The following PLPPR4 variants were observed in gnomAD, a reference collection of about 807,000 sequenced individuals.
The protein encoded by PLPPR4 is phospholipid phosphatase-related protein type 4.
In PLPPR4, 24 loss-of-function variants were observed where a neutral mutation model predicts 56.6. That is an observed-to-expected ratio of 0.42 (90% CI 0.31 to 0.60). The LOEUF is 0.60. Ranked by LOEUF, PLPPR4 falls within the 20% of genes least tolerant of loss-of-function variation. PLPPR4 has a pLI of 0.13. For missense variants in PLPPR4, 654 were observed against 885.8 expected, an observed-to-expected ratio of 0.74 and a Z score of 3.32; for synonymous variants, 326 against 328.1, an observed-to-expected ratio of 0.99 and a Z score of 0.07.
rs146842079 is a variant in PLPPR4, at chr1:99,292,425, A to T, written c.264+4275A>T. Among the ~76,000 whole-genome samples the T allele has an allele frequency of 3.9e-3, 589 of 152,322 alleles. 3 individuals carry two copies. Among genetic ancestry groups the T allele is most frequent in the African/African-American group, 0.013 (534 of 41,578 alleles). ...TCTTTCTTGAGGCCTGAGAAATAAA[A>T]GGGAAAATACACCATGGCTCCCTTC... On this transcript the variant is annotated intron_variant, in intron 2 of 6. Coordinates refer to ENST00000370185, the MANE Select transcript of PLPPR4 (RefSeq NM_014839.5).
In PLPPR4 at chr1:99,264,607, A is replaced by G. The variant is rs1387762492; in HGVS notation, c.14A>G (p.Glu5Gly). Reference protein sequence around the residue: MSAKERPKGKVIKDS... With the variant: MSAKGRPKGKVIKDS... ...CAGGCGGCAGGGATGTCGGCGAAGG[A>G]GAGGCCAAAGGGCAAAGTGATCAAG... Residue 5 changes from glutamate to glycine, a missense_variant, in exon 1 of 7, where the codon GAG becomes GGG. Glu to Gly is a moderately conservative substitution (Grantham distance 98). Coordinates refer to ENST00000370185, the MANE Select transcript of PLPPR4 (RefSeq NM_014839.5). 1.3e-6 allele frequency: 2 copies of G among 1,550,662 alleles called. No homozygotes were observed. The highest frequency in any genetic ancestry group is 1.4e-5 in the African/African-American group (1 of 73,062).
chr1:99,281,836 T>C (rs1007556641), intron 1 of PLPPR4, among the ~76,000 whole-genome samples: 5 of 152,244 alleles, frequency 3.3e-5, no homozygotes, highest in Non-Finnish European at 5.9e-5. Context: ...CCTCTCATTT[T>C]AAATGTGTTA....
intron 6 of PLPPR4, among the ~76,000 whole-genome samples, chr1:99,302,509 TTTATTATTATTA>T (rs35590074): frequency 6.7e-6 from 1 of 149,554 alleles, no homozygotes; most frequent in Non-Finnish European, 1.5e-5. Flanking sequence ...TATTCTTTTT[TTTATTATTATTA>T]TTATTATTAT....
intron 1 of PLPPR4, among the ~76,000 whole-genome samples, chr1:99,271,527 G>T (rs1262086772): frequency 6.6e-6 from 1 of 152,176 alleles, no homozygotes. Flanking sequence ...TCTGTTTGTG[G>T]CTCTGTCAGA....
chr1:99,268,430 T>C (rs536670106), intron 1 of PLPPR4, among the ~76,000 whole-genome samples: 4 of 152,216 alleles, frequency 2.6e-5, no homozygotes, highest in Non-Finnish European at 5.9e-5. Context: ...TATACCCCAA[T>C]GGGCATTAGG....
Position 99,288,047 on chromosome 1 carries a change from G to C in PLPPR4, c.161G>C (p.Ser54Thr). ...DVFKPVHSGF[S>T]CYDRSLSMPY... Reference sequence around the variant, plus strand: ...TTCAAACCTGTGCACTCTGGATTTAGCTGCTATGACCGGAGTCTTAGCATG... The same window carrying C: ...TTCAAACCTGTGCACTCTGGATTTACCTGCTATGACCGGAGTCTTAGCATG... The change falls in exon 2 of 7, where the codon AGC (serine) becomes ACC (threonine). Residue 54 changes from serine to threonine, a missense_variant. By Grantham distance (58) the Ser-to-Thr change is moderately conservative. This residue lies in a region of PLPPR4 where 186 missense variants were observed against 331.4 expected (regional missense o/e 0.56). Transcript: ENST00000370185. 1 of 1,613,850 alleles carries C rather than the reference G, an allele frequency of 6.2e-7. No individual in the cohort carries two copies. Among genetic ancestry groups the C allele is most frequent in the Non-Finnish European group, 8.5e-7 (1 of 1,179,860 alleles).
intron 1 of PLPPR4, among the ~76,000 whole-genome samples, chr1:99,279,078 C>T (rs1187928126): frequency 6.6e-6 from 1 of 152,174 alleles, no homozygotes; most frequent in Non-Finnish European, 1.5e-5. Flanking sequence ...TTTGGTATCT[C>T]TCTTCAAATT....
rs564581085 is a variant in PLPPR4 at position 99,265,554 on chromosome 1, G to C, written c.78+883G>C. ...TAAGCAAGAGGTTTATTAAATTACA[G>C]ATACTGAAGGGTTGTATTGCATAGA... On this transcript the variant is annotated intron_variant, in intron 1 of 6. Transcript: ENST00000370185. Among the ~76,000 whole-genome samples the C allele has an allele frequency of 1.1e-4, 17 of 152,292 alleles. 1 individual carries two copies. The South Asian group carries it at 3.3e-3, about 30-fold the overall frequency.
At chr1:99,269,960 C>CA (rs1255558657) in intron 1 of PLPPR4, among the ~76,000 whole-genome samples, 1 of 151,340 alleles carries the variant, frequency 6.6e-6, no homozygotes, top group Non-Finnish European at 1.5e-5. Context: ...ATTTTAATCT[C>CA]AAAAAATTAA....
chr1:99,296,048 A>C (rs1290221849), intron 2 of PLPPR4, among the ~76,000 whole-genome samples: 1 of 152,178 alleles, frequency 6.6e-6, no homozygotes, highest in Non-Finnish European at 1.5e-5. Context: ...ATCCTGCAGC[A>C]AAGTGCCATG....
Position 99,306,972 on chromosome 1 carries a change from T to C in PLPPR4, c.2110T>C (p.Tyr704His), listed in dbSNP as rs771480895. 2 of 1,610,188 alleles carry C rather than the reference T, an allele frequency of 1.2e-6. No homozygotes were observed. The highest frequency in any genetic ancestry group is 1.7e-6 in the Non-Finnish European group (2 of 1,179,570). ...CCCCGAAAACACTAGAAATATCTTC[T>C]ACAAAGGAACCTCCCCCACACGGGC... ...NSPENTRNIF[Y>H]KGTSPTRAYK... The change falls in exon 7 of 7, where the codon TAC (tyrosine) becomes CAC (histidine). Residue 704 changes from tyrosine (Y) to histidine (H), a missense_variant. Around this residue, in one of 2 missense-constraint regions of PLPPR4, gnomAD observed 468 missense variants for 554.3 expected, o/e 0.84. Transcript: ENST00000370185. The surrounding 1 kb of genome is among the most constrained non-coding windows in gnomAD (Gnocchi z 4.0).
rs536877411 is a variant in PLPPR4 at position 99,270,718 on chromosome 1, A to G, written c.78+6047A>G. ...TATTCCCTTTTACATAAACTTTAGC[A>G]TCAGTAGGAAATACAAAATCACATT... On this transcript the variant is annotated intron_variant, in intron 1 of 6. Transcript: ENST00000370185. 2.0e-5 allele frequency among the ~76,000 whole-genome samples: 3 copies of G among 152,344 alleles called. No homozygotes were observed. The East Asian group carries it at 5.8e-4, about 29-fold the overall frequency.
Position 99,307,386 on chromosome 1 carries a change from C to T in PLPPR4, c.*376C>T. ...GAGCTGTGGGAACCCAGAACACACA[C>T]GTTTTCCCTACAGCAGAGGCCATGC... On this transcript the variant is annotated 3_prime_UTR_variant, in exon 7 of 7. Transcript: ENST00000370185. 1 of 211,748 alleles carries T rather than the reference C, an allele frequency of 4.7e-6. No individual in the cohort carries two copies. The highest frequency in any genetic ancestry group is 9.6e-6 in the Non-Finnish European group (1 of 104,584). 13.1% of individuals were successfully genotyped at this position (211,748 alleles called of 1,614,324 possible).
At chr1:99,273,229 T>C (rs879508131) in intron 1 of PLPPR4, among the ~76,000 whole-genome samples, 10 of 152,098 alleles carry the variant, frequency 6.6e-5, no homozygotes, top group African/African-American at 9.6e-5. Context: ...TCAAGCAACA[T>C]AGAGGAGGTT....
chr1:99,273,950 T>A (rs914210046), intron 1 of PLPPR4, among the ~76,000 whole-genome samples: 36 of 152,142 alleles, frequency 2.4e-4, no homozygotes, highest in African/African-American at 8.7e-4. Context: ...AAGGTCTATA[T>A]GAGTCCTCAT....
intron 1 of PLPPR4, among the ~76,000 whole-genome samples, chr1:99,285,908 G>A (rs930974671): frequency 3.9e-5 from 6 of 152,192 alleles, no homozygotes; most frequent in African/African-American, 1.4e-4. Flanking sequence ...TTAAGCATGT[G>A]TGATATTTTC....
intron 1 of PLPPR4, among the ~76,000 whole-genome samples, chr1:99,279,556 T>C (rs1042786235): frequency 2.0e-5 from 3 of 152,206 alleles, no homozygotes; most frequent in African/African-American, 7.2e-5. Flanking sequence ...ACCCCTTTCC[T>C]GTTGTTGCCG....
rs1249930657 is a variant in PLPPR4, at chr1:99,307,734, T to C, written c.*724T>C. On this transcript the variant is annotated 3_prime_UTR_variant, in exon 7 of 7. Transcript: ENST00000370185. ...TCAGTGAAAGGGAATAACTAGTACT[T>C]TTCTGCATAGTTTTTCTTCTGCTTA... is the stretch of plus-strand genomic sequence containing the variant. 1 of 152,196 alleles carries C rather than the reference T, an allele frequency of 6.6e-6. No individual in the cohort carries two copies. The highest frequency in any genetic ancestry group is 1.5e-5 in the Non-Finnish European group (1 of 68,032). The allele number at this position is 152,196 out of a possible 1,614,324, so 9.4% of individuals were successfully genotyped here. A position where few individuals can be genotyped will look rare whatever the true frequency, so the allele number is the denominator to read the frequency against.
intron 1 of PLPPR4, among the ~76,000 whole-genome samples, chr1:99,284,679 A>G (rs913600086): frequency 3.9e-5 from 6 of 152,022 alleles, no homozygotes; most frequent in Admixed American, 3.9e-4. Flanking sequence ...TTATATAATT[A>G]GAAAAATGAT....
Sources: gnomAD v4.1 joint callset for allele counts (sites outside exome capture counted in the v4.1 genomes callset) on GRCh38, gnomAD v4.1.1 for gene constraint, gnomAD v4.1.1 regional missense constraint, Gnocchi (gnomAD v3.1) non-coding constraint, MANE v1.5 for transcripts, NCBI Gene and HGNC (gene_info 2026-07-23, HGNC 2026-07-21) for gene names.